Variants in PIP5K1B observed in about 807,000 individuals in gnomAD.
PIP5K1B encodes the protein phosphatidylinositol 4-phosphate 5-kinase type-1 beta.
A neutral mutation model predicts 67.0 loss-of-function variants in PIP5K1B; 42 were observed. The ratio of observed to expected loss-of-function variants is 0.63; its 90% CI spans 0.49 to 0.81. The LOEUF (loss-of-function observed/expected upper bound fraction) is 0.81. Ranked by LOEUF, PIP5K1B falls within the 30% of genes least tolerant of loss-of-function variation. The pLI is 0.00. For synonymous variants in PIP5K1B, 214 were observed against 231.4 expected (o/e 0.92, Z 0.68); for missense variants, 459 against 646.3 (o/e 0.71, Z 3.14).
intron 1 of PIP5K1B, chr9:68,706,145 T>G (rs1326591894): frequency 6.6e-6 from 1 of 152,354 alleles, no homozygotes; most frequent in Non-Finnish European, 1.5e-5. Context: ...GGTGAACTTG[T>G]TAGGCGCCCT....
At chr9:68,975,582 T>A (rs995986044) in intron 14 of PIP5K1B, among the ~76,000 whole-genome samples, 5 of 152,212 alleles carry the variant, frequency 3.3e-5, no homozygotes, top group Admixed American at 6.5e-5. Flanking sequence ...TTCAGGCATT[T>A]ATACCACCAG....
intron 1 of PIP5K1B, among the ~76,000 whole-genome samples, chr9:68,733,320 T>C (rs1481558477): frequency 2.6e-5 from 4 of 152,212 alleles, no homozygotes; most frequent in Non-Finnish European, 5.9e-5. Context: ...CAGGCTGGCA[T>C]TGGGCTCCAA....
At chr9:68,710,417 G>T (rs1297249718) in intron 1 of PIP5K1B, among the ~76,000 whole-genome samples, 1 of 152,058 alleles carries the variant, frequency 6.6e-6, no homozygotes, top group Admixed American at 6.5e-5. Flanking sequence ...AATTTATGAT[G>T]AAATTTTTGG....
intron 14 of PIP5K1B, among the ~76,000 whole-genome samples, chr9:68,969,367 CAAA>C (rs10573153): frequency 2.7e-4 from 23 of 84,116 alleles, no homozygotes; most frequent in African/African-American, 5.5e-4. Flanking sequence ...GACTCCACCT[CAAA>C]AAAAAAAAAA....
chr9:68,892,289 A>T (rs1315274087), intron 7 of PIP5K1B, among the ~76,000 whole-genome samples: 1 of 152,246 alleles, frequency 6.6e-6, no homozygotes, highest in East Asian at 1.9e-4. Flanking sequence ...TAAAATGAAC[A>T]ATCACACAGA....
intron 2 of PIP5K1B, among the ~76,000 whole-genome samples, chr9:68,817,417 A>C (rs921996116): frequency 2.6e-5 from 4 of 152,224 alleles, no homozygotes; most frequent in African/African-American, 9.6e-5. Context: ...TAGAACATTA[A>C]AGATGTTTGA....
At chr9:68,970,486 C>T (rs555961278) in intron 14 of PIP5K1B, among the ~76,000 whole-genome samples, 15 of 152,282 alleles carry the variant, frequency 9.9e-5, no homozygotes, top group African/African-American at 3.4e-4. Flanking sequence ...TAATCTTTCC[C>T]ACAATATGTG....
chr9:68,819,011 GAT>G (rs1833595295), intron 3 of PIP5K1B, among the ~76,000 whole-genome samples: 1 of 152,106 alleles, frequency 6.6e-6, no homozygotes, highest in Non-Finnish European at 1.5e-5. Flanking sequence ...TTTTAGAGAC[GAT>G]GTCTCGCTGT....
At chr9:68,804,730 T>C (rs1252460342) in intron 2 of PIP5K1B, among the ~76,000 whole-genome samples, 2 of 152,032 alleles carry the variant, frequency 1.3e-5, no homozygotes, top group Non-Finnish European at 2.9e-5. Flanking sequence ...GCACTGGAAC[T>C]ACAGGTGTGC....
intron 4 of PIP5K1B, among the ~76,000 whole-genome samples, chr9:68,854,317 A>G (rs1393871047): frequency 1.3e-5 from 2 of 151,804 alleles, no homozygotes; most frequent in African/African-American, 4.8e-5. Flanking sequence ...TTTTGTAGAG[A>G]AAAGGTCTTA....
intron 8 of PIP5K1B, among the ~76,000 whole-genome samples, chr9:68,913,053 C>T (rs1190136977): frequency 1.3e-5 from 2 of 152,196 alleles, no homozygotes; most frequent in East Asian, 1.9e-4. Context: ...TTGACTTTGA[C>T]ATTGACTTTT....
intron 2 of PIP5K1B, among the ~76,000 whole-genome samples, chr9:68,777,400 A>T (rs1004623634): frequency 2.0e-5 from 3 of 152,234 alleles, no homozygotes; most frequent in African/African-American, 7.2e-5. Context: ...CATATATGTC[A>T]TGTGGTACTC....
intron 2 of PIP5K1B, among the ~76,000 whole-genome samples, chr9:68,756,241 T>G (rs1829918181): frequency 6.6e-6 from 1 of 152,254 alleles, no homozygotes; most frequent in Admixed American, 6.5e-5. Flanking sequence ...TAGAAACTTA[T>G]AGCAGATCCA....
At chr9:68,725,397 G>T (rs1828102625) in intron 1 of PIP5K1B, among the ~76,000 whole-genome samples, 1 of 152,196 alleles carries the variant, frequency 6.6e-6, no homozygotes, top group African/African-American at 2.4e-5. Flanking sequence ...CTCATTCAAA[G>T]ACATGTTGTG....
In PIP5K1B at chr9:68,792,468, GTTT is replaced by G. The variant is rs746454049; in HGVS notation, c.-85-25992_-85-25990del. Among the ~76,000 whole-genome samples, 10 of 94,518 alleles carry G rather than the reference GTTT, an allele frequency of 1.1e-4. 1 individual carries two copies. Among genetic ancestry groups the G allele is most frequent in the African/African-American group, 3.3e-4 (10 of 30,216 alleles). The allele number at this position is 94,518 out of a possible 152,430, so 62.0% of individuals were successfully genotyped here. A position where few individuals can be genotyped will look rare whatever the true frequency, so the allele number is the denominator to read the frequency against. ...GTGGCACATGTGTTTTTTTGTTGTT[GTTT>G]GTTTGTTTGTTTGTTTGTTTGTTTT... is the stretch of plus-strand genomic sequence containing the variant. On this transcript the variant is annotated intron_variant, in intron 2 of 15. Transcript: ENST00000265382.
intron 1 of PIP5K1B, among the ~76,000 whole-genome samples, chr9:68,723,712 T>TTTA (rs1828011065): frequency 2.7e-5 from 4 of 148,992 alleles, no homozygotes; most frequent in South Asian, 2.1e-4. Context: ...TTTTTTTTTT[T>TTTA]TTTTTGCTAT....
intron 6 of PIP5K1B, among the ~76,000 whole-genome samples, chr9:68,883,413 CAGAA>C (rs752209847): frequency 6.6e-6 from 1 of 152,212 alleles, no homozygotes; most frequent in Non-Finnish European, 1.5e-5. Context: ...GCAAGGCTAA[CAGAA>C]AGAAGGGGAA....
chr9:68,749,194 G>A (rs1473812993), intron 2 of PIP5K1B, among the ~76,000 whole-genome samples: 1 of 152,176 alleles, frequency 6.6e-6, no homozygotes, highest in African/African-American at 2.4e-5. Context: ...ATTTTGAGGG[G>A]ATTACCCTGT....
intron 14 of PIP5K1B, among the ~76,000 whole-genome samples, chr9:68,956,564 G>A (rs1342001152): frequency 6.6e-6 from 1 of 152,204 alleles, no homozygotes; most frequent in South Asian, 2.1e-4. Flanking sequence ...GAAAGAACAC[G>A]AGTTAAATAG....
Sources: gnomAD v4.1 joint callset for allele counts (sites outside exome capture counted in the v4.1 genomes callset) on GRCh38, gnomAD v4.1.1 for gene constraint, MANE v1.5 for transcripts, NCBI Gene and HGNC (gene_info 2026-07-23, HGNC 2026-07-21) for gene names.